ARFGAP1: variants seen among roughly 807,000 people sequenced by gnomAD.
ARFGAP1 encodes the protein ARF GTPase activating protein 1.
In ARFGAP1, 26 loss-of-function variants were observed where a neutral mutation model predicts 54.0. The ratio of observed to expected loss-of-function variants is 0.48; its 90% CI spans 0.35 to 0.67. The LOEUF (loss-of-function observed/expected upper bound fraction) is 0.67. Ranked by LOEUF, ARFGAP1 falls within the 30% of genes least tolerant of loss-of-function variation. The probability of loss-of-function intolerance (pLI) is 0.00; values close to 1 mark genes in which losing one functional copy is unlikely to be tolerated. For synonymous variants in ARFGAP1, 248 were observed against 211.9 expected (o/e 1.17, Z -1.48); for missense variants, 525 against 535.8 (o/e 0.98, Z 0.20).
In ARFGAP1 at chr20:63,278,902, C is replaced by T. The variant is rs775156874; in HGVS notation, c.534C>T (p.Ala178=). 3.7e-6 allele frequency: 6 copies of T among 1,614,138 alleles called. No homozygotes were observed. In the Admixed American group the frequency reaches 1.0e-4, roughly 27 times the overall value. ...LNDDLGSYQG[A]QGNRYVGFGN... is the part of the protein sequence containing the mutation. ...CTCTTGTCCGCTTTGTTTTCAGGGC[C>T]CAGGGGAATCGCTACGTGGGGTTTG... is the stretch of plus-strand genomic sequence containing the variant. Residue 178 remains alanine, a synonymous_variant, in exon 7 of 13, where the codon GCC becomes GCT. Coordinates refer to ENST00000370283, the MANE Select transcript of ARFGAP1 (RefSeq NM_018209.4).
At chr20:63,282,510 G>A (rs1040336422) in intron 8 of ARFGAP1, among the ~76,000 whole-genome samples, 9 of 152,226 alleles carry the variant, frequency 5.9e-5, no homozygotes, top group African/African-American at 1.9e-4. Context: ...AGCAGGCCCC[G>A]GCCCTGTCCT....
At chr20:63,286,472 T>C in intron 12 of ARFGAP1, 30 bp downstream of exon 12, 1 of 1,603,210 alleles carries the variant, frequency 6.2e-7, no homozygotes, top group Non-Finnish European at 8.5e-7. Context: ...GGGCCTTGCA[T>C]CCCACTCCCC....
intron 7 of ARFGAP1, among the ~76,000 whole-genome samples, chr20:63,280,254 A>G (rs537686496): frequency 1.3e-5 from 2 of 152,344 alleles, no homozygotes; most frequent in South Asian, 4.1e-4. Flanking sequence ...GAGCCAAGGA[A>G]GGGCTTATTT....
Position 63,278,907 on chromosome 20 carries a change from G to A in ARFGAP1, c.539G>A (p.Gly180Glu). 6.2e-7 allele frequency: 1 copy of A among 1,614,138 alleles called. No homozygotes were observed. The highest frequency in any genetic ancestry group is 8.5e-7 in the Non-Finnish European group (1 of 1,180,016). Reference sequence around the variant, plus strand: ...GTCCGCTTTGTTTTCAGGGCCCAGGGGAATCGCTACGTGGGGTTTGGGAAC... The same window carrying A: ...GTCCGCTTTGTTTTCAGGGCCCAGGAGAATCGCTACGTGGGGTTTGGGAAC... ...DDLGSYQGAQ[G>E]NRYVGFGNTP... is the part of the protein sequence containing the mutation. Residue 180 changes from glycine (G) to glutamate (E), a missense_variant, in exon 7 of 13, where the codon GGG becomes GAG. Transcript: ENST00000370283.
At chr20:63,281,912 G>T (rs943768274) in intron 8 of ARFGAP1, among the ~76,000 whole-genome samples, 1 of 152,170 alleles carries the variant, frequency 6.6e-6, no homozygotes, top group African/African-American at 2.4e-5. Context: ...GGCAGCGCGG[G>T]GCAGCTGGGT....
At chr20:63,286,004 C>A in intron 11 of ARFGAP1, 1 of 1,535,638 alleles carries the variant, frequency 6.5e-7, no homozygotes, top group Admixed American at 2.0e-5. Context: ...TTGCTGCCAT[C>A]AGTCCCACTG....
chr20:63,282,841 C>G lies in ARFGAP1; in HGVS notation c.707C>G (p.Ala236Gly). 2 of 1,614,060 alleles carry G rather than the reference C, an allele frequency of 1.2e-6. No homozygotes were observed. The highest frequency in any genetic ancestry group is 1.1e-5 in the South Asian group (1 of 91,088). Residue 236 changes from alanine (A) to glycine (G), a missense_variant, in exon 9 of 13, where the codon GCG (alanine) becomes GGG (glycine). Coordinates refer to ENST00000370283, the MANE Select transcript of ARFGAP1 (RefSeq NM_018209.4). ...KEGATKFGSQ[A>G]SQKASELGHS... ...TAGGCTACAAAGTTTGGATCCCAAG[C>G]GAGTCAGAAGGTAACAGAGGAGAAG...
chr20:63,273,154 C>T (rs2067146533), intron 1 of ARFGAP1: 2 of 151,964 alleles, frequency 1.3e-5, no homozygotes, highest in Non-Finnish European at 2.9e-5. Context: ...CGCCCCTCCG[C>T]CGTGCCGCCC....
chr20:63,281,259 C>T, intron 7 of ARFGAP1, 32 bp from the exon 8 acceptor site: 1 of 1,581,728 alleles, frequency 6.3e-7, no homozygotes, highest in Non-Finnish European at 8.6e-7. Context: ...GGTCCCAGTC[C>T]TGATGTGGCT....
In ARFGAP1 at chr20:63,285,671, T is replaced by A. The variant is rs757751068; in HGVS notation, c.792T>A (p.Ile264=). The change falls in exon 11 of 13, where the codon ATT becomes ATA. Residue 264 remains isoleucine, a synonymous_variant. Coordinates refer to ENST00000370283, the MANE Select transcript of ARFGAP1 (RefSeq NM_018209.4). ...PAQEKVKEGK[I]FDDVSSGVSQ... is the part of the protein sequence containing the mutation. ...CCGTGCAGGTGAAGGAGGGAAAGAT[T>A]TTTGATGATGTCTCCAGTGGGGTCT... 3 of 1,613,678 alleles carry A rather than the reference T, an allele frequency of 1.9e-6. No homozygotes were observed. The East Asian group carries it at 6.7e-5, about 36-fold the overall frequency.
intron 8 of ARFGAP1, 103 bp downstream of exon 8, chr20:63,281,450 A>G (rs1336614644): frequency 7.1e-7 from 1 of 1,399,718 alleles, no homozygotes; most frequent in Non-Finnish European, 9.7e-7. Flanking sequence ...TGTGGGACAC[A>G]GAGGGTTTCT....
chr20:63,272,999 A>T, intron 1 of ARFGAP1, 79 bp downstream of exon 1: 1 of 147,580 alleles, frequency 6.8e-6, no homozygotes, highest in East Asian at 2.1e-4. Flanking sequence ...TCGCGGGCGG[A>T]CCTCCCTGCC....
At chr20:63,278,684 G>A in intron 6 of ARFGAP1, 5 of 572,160 alleles carry the variant, frequency 8.7e-6, no homozygotes, top group Middle Eastern at 4.6e-4. Flanking sequence ...TTGGGGACTT[G>A]CTGGGGACCC....
chr20:63,275,311 C>A lies in ARFGAP1; in HGVS notation c.-4-266C>A, dbSNP rs551904725. ...AGTCTTGGTGATGAATAAGCTTAAG[C>A]AAAGCGGCAGCAGTAATGATATGGT... On this transcript the variant is annotated intron_variant, in intron 1 of 12. Transcript: ENST00000370283. 6.6e-5 allele frequency among the ~76,000 whole-genome samples: 10 copies of A among 152,306 alleles called. No individual in the cohort carries two copies. The South Asian group carries it at 1.5e-3, about 22-fold the overall frequency.
chr20:63,286,091 G>A lies in ARFGAP1; in HGVS notation c.835-275G>A, dbSNP rs1259865564. 3.2e-6 allele frequency: 5 copies of A among 1,550,154 alleles called. No individual in the cohort carries two copies. In the Admixed American group the frequency reaches 9.8e-5, roughly 30 times the overall value. On this transcript the variant is annotated intron_variant, in intron 11 of 12. Transcript: ENST00000370283. ...GCTCTGCGGACAGACGGGGAGGGAA[G>A]AGCAGGCCTCGCTCCTCCCCCCCAA...
Position 63,279,736 on chromosome 20 carries a change from T to C in ARFGAP1, c.627+741T>C, listed in dbSNP as rs554167213. ...TTCTGGTCTGGGGATGCCTGGAAGCTCCAGGTCAGATGTTCAGAGTATGAC... is the reference window on the plus strand; with the variant it reads ...TTCTGGTCTGGGGATGCCTGGAAGCCCCAGGTCAGATGTTCAGAGTATGAC... On this transcript the variant is annotated intron_variant, in intron 7 of 12. Coordinates refer to ENST00000370283, the MANE Select transcript of ARFGAP1 (RefSeq NM_018209.4). Among the ~76,000 whole-genome samples, 8 of 152,368 alleles carry C rather than the reference T, an allele frequency of 5.3e-5. No individual in the cohort carries two copies. In the East Asian group the frequency reaches 1.5e-3, roughly 29 times the overall value.
At chr20:63,280,443 C>G (rs574771166) in intron 7 of ARFGAP1, among the ~76,000 whole-genome samples, 1 of 152,174 alleles carries the variant, frequency 6.6e-6, no homozygotes, top group Non-Finnish European at 1.5e-5. Flanking sequence ...CAGGCATGAG[C>G]CACCATGCCT....
Position 63,289,213 on chromosome 20 carries a change from CAG to C in ARFGAP1, c.*1343_*1344del, listed in dbSNP as rs2067648280. The C allele has an allele frequency of 6.6e-6, 1 of 152,508 alleles. No homozygotes were observed. The highest frequency in any genetic ancestry group is 2.4e-5 in the African/African-American group (1 of 41,450). 9.4% of individuals were successfully genotyped at this position (152,508 alleles called of 1,614,324 possible). A position where few individuals can be genotyped will look rare whatever the true frequency, so the allele number is the denominator to read the frequency against. On this transcript the variant is annotated 3_prime_UTR_variant, in exon 13 of 13. Coordinates refer to ENST00000370283, the MANE Select transcript of ARFGAP1 (RefSeq NM_018209.4). ...CACCTGCTGTAGTTGGACCTGAGGT[CAG>C]AGGCGGGGCATCAGAGGCTCAAGGT...
chr20:63,286,468 T>C lies in ARFGAP1; in HGVS notation c.911+26T>C, dbSNP rs746262561. 3 of 1,605,114 alleles carry C rather than the reference T, an allele frequency of 1.9e-6. No homozygotes were observed. In the South Asian group the frequency reaches 3.3e-5, roughly 18 times the overall value. On this transcript the variant is annotated intron_variant, in intron 12 of 12. Coordinates refer to ENST00000370283, the MANE Select transcript of ARFGAP1 (RefSeq NM_018209.4). Reference sequence around the variant, plus strand: ...GTATGCTGTGTCCCCTCCTGGGCCTTGCATCCCACTCCCCTGCCTTGGCCA... The same window carrying C: ...GTATGCTGTGTCCCCTCCTGGGCCTCGCATCCCACTCCCCTGCCTTGGCCA...
Sources: gnomAD v4.1 joint callset for allele counts (sites outside exome capture counted in the v4.1 genomes callset) on GRCh38, gnomAD v4.1.1 for gene constraint, MANE v1.5 for transcripts, NCBI Gene and HGNC (gene_info 2026-07-23, HGNC 2026-07-21) for gene names.